CCHCR1: variants seen among roughly 807,000 people sequenced by gnomAD.
CCHCR1 encodes HCR (a-helix coiled-coil rod homologue).
A neutral mutation model predicts 114.6 loss-of-function variants in CCHCR1; 91 were observed. That is an observed-to-expected ratio of 0.79 (90% CI 0.67 to 0.94). CCHCR1 has a LOEUF of 0.94. CCHCR1 is among the 40% of genes least tolerant of loss of function. CCHCR1 has a pLI of 0.00. For synonymous variants in CCHCR1, 379 were observed against 428.5 expected (o/e 0.88, Z 1.43); for missense variants, 899 against 1,079.9 (o/e 0.83, Z 2.35).
intron 4 of CCHCR1, among the ~76,000 whole-genome samples, chr6:31,152,559 G>A (rs538209793): frequency 1.3e-5 from 2 of 151,858 alleles, no homozygotes; most frequent in South Asian, 2.1e-4. Flanking sequence ...GGCTGGTCTC[G>A]AACTCCTGAC....
Position 31,145,498 on chromosome 6 carries a change from A to G in CCHCR1, c.1694-5T>C, listed in dbSNP as rs886401. ...CAAGCTTTCGAGCAATCAGGCCTGG[A>G]GGGGAAAAAGCAGGGAGAAAAAGAG... On this transcript the variant is annotated splice_region_variant and splice_polypyrimidine_tract_variant and intron_variant, in intron 11 of 17. Transcript: ENST00000396268. The G allele has an allele frequency of 0.62, 1,000,232 of 1,612,122 alleles. 313,327 individuals carry two copies. The highest frequency in any genetic ancestry group is 0.75 in the Middle Eastern group (4,525 of 6,060).
At position 31,151,883 on chromosome 6, in the gene CCHCR1, T is replaced by C. The variant is rs1175019294; in HGVS notation, c.802-761A>G. 6.6e-6 allele frequency among the ~76,000 whole-genome samples: 1 copy of C among 152,188 alleles called. No homozygotes were observed. The highest frequency in any genetic ancestry group is 2.4e-5 in the African/African-American group (1 of 41,450). On this transcript the variant is annotated intron_variant, in intron 4 of 17. Transcript: ENST00000396268. The surrounding 1 kb of genome is among the most constrained non-coding windows in gnomAD (Gnocchi z 4.1). ...AAGGAGGGCAAAGTGCCCACCCTGC[T>C]TCCTGGTCTGCCTCCTCTAGCCCTG...
chr6:31,155,507 G>A (rs947752044), intron 3 of CCHCR1, among the ~76,000 whole-genome samples: 1 of 151,542 alleles, frequency 6.6e-6, no homozygotes, highest in African/African-American at 2.4e-5. Context: ...GGGAGGCTGA[G>A]GCAGGAGAAT....
chr6:31,148,828 CATG>C, intron 8 of CCHCR1, 100 bp from the exon 9 acceptor site: 1 of 85,932 alleles, frequency 1.2e-5, no homozygotes, highest in Non-Finnish European at 2.3e-5. Context: ...GTAAGAATGC[CATG>C]CAGGGGCTGG....
chr6:31,148,559 G>A (rs1276970086), intron 9 of CCHCR1, 48 bp from the exon 10 acceptor site: 1 of 1,594,472 alleles, frequency 6.3e-7, no homozygotes. Context: ...AGTCCTGGCT[G>A]CAGCCCCGGA....
intron 4 of CCHCR1, among the ~76,000 whole-genome samples, chr6:31,152,585 C>T (rs1214105750): frequency 6.6e-6 from 1 of 152,068 alleles, no homozygotes; most frequent in African/African-American, 2.4e-5. Flanking sequence ...GTGATCCACC[C>T]GCCTCAGCTT....
At position 31,150,410 on chromosome 6, in the gene CCHCR1, T is replaced by C. The variant is rs1192117434; in HGVS notation, c.1212+45A>G. ...AGGGAGGGAGGCAGGGGACAGTAGATGCAGGATGCGGCTGAGGGTGAGGGG... is the reference window on the plus strand; with the variant it reads ...AGGGAGGGAGGCAGGGGACAGTAGACGCAGGATGCGGCTGAGGGTGAGGGG... On this transcript the variant is annotated intron_variant, in intron 7 of 17. Transcript: ENST00000396268. The surrounding 1 kb of genome is among the most constrained non-coding windows in gnomAD (Gnocchi z 5.3). 1 of 1,526,998 alleles carries C rather than the reference T, an allele frequency of 6.5e-7. No homozygotes were observed. Among genetic ancestry groups the C allele is most frequent in the Non-Finnish European group, 9.0e-7 (1 of 1,106,724 alleles). The allele number at this position is 1,526,998 out of a possible 1,614,324, so 94.6% of individuals were successfully genotyped here.
rs1219979641 is a variant in CCHCR1, at chr6:31,144,845, C to T, written c.2065+40G>A. 13 of 1,608,632 alleles carry T rather than the reference C, an allele frequency of 8.1e-6. No homozygotes were observed. The highest frequency in any genetic ancestry group is 1.1e-5 in the Non-Finnish European group (13 of 1,175,426). On this transcript the variant is annotated intron_variant, in intron 14 of 17. Coordinates refer to ENST00000396268, the MANE Select transcript of CCHCR1 (RefSeq NM_001105564.2). The surrounding 1 kb of genome is among the most constrained non-coding windows in gnomAD (Gnocchi z 4.6). The stretch of plus-strand genomic sequence containing the variant: ...CAGGAGCTTTGATTCGCAGTTCCCA[C>T]CCCACCCTCCAAGGGAAGCACCCAT...
chr6:31,156,128 G>C (rs1775972255), intron 3 of CCHCR1: 1 of 152,392 alleles, frequency 6.6e-6, no homozygotes, highest in African/African-American at 2.4e-5. Flanking sequence ...GGGAAATTAA[G>C]TGACTTGCCA....
chr6:31,156,950 G>GAATT lies in CCHCR1; in HGVS notation c.284-10_284-7dup, dbSNP rs1429862682. 3.1e-6 allele frequency: 5 copies of GAATT among 1,612,744 alleles called. No homozygotes were observed. Among genetic ancestry groups the GAATT allele is most frequent in the Non-Finnish European group, 4.2e-6 (5 of 1,179,882 alleles). ...GGGAATCAGCCCAGTGGAACCTGAA[G>GAATT]AATTACAAAAACAAAGATGGTCAGT... is the stretch of plus-strand genomic sequence containing the variant. On this transcript the variant is annotated splice_polypyrimidine_tract_variant and splice_region_variant and intron_variant, in intron 2 of 17. Coordinates refer to ENST00000396268, the MANE Select transcript of CCHCR1 (RefSeq NM_001105564.2).
chr6:31,155,616 T>G (rs1775894079), intron 3 of CCHCR1, among the ~76,000 whole-genome samples: 1 of 71,838 alleles, frequency 1.4e-5, no homozygotes, highest in Non-Finnish European at 3.0e-5. Flanking sequence ...AAAAAAGGCA[T>G]TTATTGAGTG....
rs1340169163 is a variant in CCHCR1, at chr6:31,157,052, G to A, written c.254C>T (p.Ser85Leu). 5 of 1,612,294 alleles carry A rather than the reference G, an allele frequency of 3.1e-6. No individual in the cohort carries two copies. Among genetic ancestry groups the A allele is most frequent in the Non-Finnish European group, 4.2e-6 (5 of 1,179,648 alleles). ...IDGWRQNLEPSNNVEMFPPSG... is the reference protein window; with the variant it reads ...IDGWRQNLEPLNNVEMFPPSG... Reference sequence around the variant, plus strand: ...AGGTGGAAACATCTCCACATTATTTGAAGGCTCTAGATTCTGTCTCCAGCC... The same window carrying A: ...AGGTGGAAACATCTCCACATTATTTAAAGGCTCTAGATTCTGTCTCCAGCC... The change falls in exon 2 of 18, where the codon TCA becomes TTA. Residue 85 changes from serine (S) to leucine (L), a missense_variant. By Grantham distance (145) the Ser-to-Leu change is moderately radical (BLOSUM62 -2). Coordinates refer to ENST00000396268, the MANE Select transcript of CCHCR1 (RefSeq NM_001105564.2).
intron 10 of CCHCR1, 117 bp from the exon 11 acceptor site, chr6:31,145,925 C>A: frequency 1.6e-6 from 1 of 635,850 alleles, no homozygotes; most frequent in South Asian, 1.9e-5. Context: ...ACAGAACGCA[C>A]AGCTTCCGTC....
intron 3 of CCHCR1, among the ~76,000 whole-genome samples, chr6:31,156,047 A>G (rs889776638): frequency 2.6e-5 from 4 of 152,142 alleles, no homozygotes; most frequent in Non-Finnish European, 1.5e-5. Context: ...AAGTGCTAGG[A>G]TTATAGGTGT....
chr6:31,156,890 A>T lies in CCHCR1; in HGVS notation c.338T>A (p.Leu113Gln). ...SHFQARPLST[L>Q]PRMAPTWLSD... ...GAGCCAGGTGGGAGCCATTCTTGGC[A>T]GAGTTGAAAGGGGCCGAGCTTGAAA... is the stretch of plus-strand genomic sequence containing the variant. The change falls in exon 3 of 18, where the codon CTG (leucine) becomes CAG (glutamine). Residue 113 changes from leucine to glutamine, a missense_variant. By Grantham distance (113) the Leu-to-Gln change is moderately radical (BLOSUM62 -2). Coordinates refer to ENST00000396268, the MANE Select transcript of CCHCR1 (RefSeq NM_001105564.2). 6.2e-7 allele frequency: 1 copy of T among 1,612,962 alleles called. No homozygotes were observed.
At chr6:31,145,569 A>G in intron 11 of CCHCR1, 76 bp from the exon 12 acceptor site, 1 of 1,501,986 alleles carries the variant, frequency 6.7e-7, no homozygotes, top group Non-Finnish European at 9.3e-7. Context: ...TAAGGGAAAA[A>G]GAGATGCAAG....
intron 3 of CCHCR1, among the ~76,000 whole-genome samples, chr6:31,155,603 C>CAAAAAAA (rs9257057): frequency 2.1e-5 from 2 of 96,780 alleles, no homozygotes; most frequent in African/African-American, 4.1e-5. Flanking sequence ...GACTCCATCT[C>CAAAAAAA]AAAAAAAAGG....
In CCHCR1 at chr6:31,143,168, G is replaced by C. The variant is rs763124411; in HGVS notation, c.2320-34C>G. The C allele has an allele frequency of 3.4e-5, 55 of 1,611,156 alleles. No individual in the cohort carries two copies. The highest frequency in any genetic ancestry group is 4.3e-5 in the Non-Finnish European group (51 of 1,179,066). ...GAGAGGGTTAAACCTAGCCCGGATA[G>C]AGCCTCCCTCACCATCCTCTTTCCA... On this transcript the variant is annotated intron_variant, in intron 16 of 17. Transcript: ENST00000396268. The surrounding 1 kb of genome is among the most constrained non-coding windows in gnomAD (Gnocchi z 5.3).
rs1773907057 is a variant in CCHCR1, at chr6:31,143,815, C to T, written c.2168-402G>A. 1.3e-5 allele frequency among the ~76,000 whole-genome samples: 2 copies of T among 152,220 alleles called. No individual in the cohort carries two copies. Among genetic ancestry groups the T allele is most frequent in the Admixed American group, 6.5e-5 (1 of 15,278 alleles). ...GTGGCTCACGCCTATAATCCCAGCA[C>T]TTTGGGATGCCAAGGCGGGCGGATC... On this transcript the variant is annotated intron_variant, in intron 15 of 17. Coordinates refer to ENST00000396268, the MANE Select transcript of CCHCR1 (RefSeq NM_001105564.2). The surrounding 1 kb of genome is among the most constrained non-coding windows in gnomAD (Gnocchi z 5.3).
Sources: gnomAD v4.1 joint callset for allele counts (sites outside exome capture counted in the v4.1 genomes callset) on GRCh38, gnomAD v4.1.1 for gene constraint, Gnocchi (gnomAD v3.1) non-coding constraint, MANE v1.5 for transcripts, NCBI Gene and HGNC (gene_info 2026-07-23, HGNC 2026-07-21) for gene names.